Variants in TTLL7 observed in about 807,000 individuals in gnomAD.
The protein encoded by TTLL7 is tubulin polyglutamylase TTLL7.
Under a neutral mutation model 120.2 loss-of-function variants are expected in TTLL7, and 53 were observed. The ratio of observed to expected loss-of-function variants is 0.44; its 90% CI spans 0.35 to 0.55. The LOEUF (loss-of-function observed/expected upper bound fraction) is 0.55, where lower values mean the gene tolerates loss of function less well. TTLL7 is among the 20% of genes least tolerant of loss of function. TTLL7 has a pLI of 0.00. For synonymous variants in TTLL7, 353 were observed against 351.7 expected, an observed-to-expected ratio of 1.00 and a Z score of -0.04; for missense variants, 803 against 1,054.7, an observed-to-expected ratio of 0.76 and a Z score of 3.31.
Position 83,937,842 on chromosome 1 carries a change from A to G in TTLL7, c.888+10T>C. The G allele has an allele frequency of 6.2e-7, 1 of 1,613,742 alleles. No individual in the cohort carries two copies. The highest frequency in any genetic ancestry group is 8.5e-7 in the Non-Finnish European group (1 of 1,179,690). ...AAGACTGTTATAATTGTGGAATGGC[A>G]TAATCTTACTGAAATATCACTCCAA... is the stretch of plus-strand genomic sequence containing the variant. On this transcript the variant is annotated intron_variant, in intron 8 of 20. Coordinates refer to ENST00000260505, the MANE Select transcript of TTLL7 (RefSeq NM_024686.6).
intron 8 of TTLL7, among the ~76,000 whole-genome samples, chr1:83,934,109 T>C (rs1189357022): frequency 6.6e-6 from 1 of 152,230 alleles, no homozygotes; most frequent in East Asian, 1.9e-4. Context: ...CCACCCTTCA[T>C]TTCTTACTGC....
In TTLL7 at chr1:83,927,474, G is replaced by A. The variant is rs559114824; in HGVS notation, c.1142+1662C>T. On this transcript the variant is annotated intron_variant, in intron 10 of 20. Transcript: ENST00000260505. The stretch of plus-strand genomic sequence containing the variant: ...AATAAGGAAAGGCATTCAGAGTAGA[G>A]AACAGAATAAATAATCAGTGAGAAT... Among the ~76,000 whole-genome samples the A allele has an allele frequency of 2.7e-3, 408 of 152,186 alleles. 4 individuals are homozygous for A. The South Asian group carries it at 0.043, about 16-fold the overall frequency.
chr1:83,911,167 G>A lies in TTLL7; in HGVS notation c.1784C>T (p.Pro595Leu), dbSNP rs751163804. ...PSNHYKLIQQ[P>L]SSIRRSVSCP... ...TAAATTAGAAGAAATTGACTTACTG[G>A]GTTGTTGAATTAATTTGTAGTGGTT... Residue 595 changes from proline to leucine, a missense_variant and splice_region_variant, in exon 15 of 21, where the codon CCC becomes CTC. Pro to Leu is a moderately conservative substitution (Grantham distance 98). Transcript: ENST00000260505. 37 of 1,603,934 alleles carry A rather than the reference G, an allele frequency of 2.3e-5. No individual in the cohort carries two copies. The Admixed American group carries it at 5.5e-4, about 24-fold the overall frequency.
At chr1:83,900,122 C>T (rs865984697) in intron 18 of TTLL7, 2 of 432,634 alleles carry the variant, frequency 4.6e-6, no homozygotes, top group Non-Finnish European at 9.1e-6. Context: ...GTTTAACAGG[C>T]CTTCTCACAT....
intron 8 of TTLL7, among the ~76,000 whole-genome samples, chr1:83,934,686 A>AT (rs1354389619): frequency 1.3e-5 from 2 of 152,190 alleles, no homozygotes; most frequent in African/African-American, 4.8e-5. Context: ...AGACACTGTC[A>AT]TTTTAACTCC....
chr1:83,998,552 G>T (rs1156595489), intron 1 of TTLL7, among the ~76,000 whole-genome samples: 1 of 152,212 alleles, frequency 6.6e-6, no homozygotes, highest in Non-Finnish European at 1.5e-5. Flanking sequence ...GCATACTCGC[G>T]GAGGCTTATA....
rs1304978006 is a variant in TTLL7 at position 83,919,691 on chromosome 1, T to C, written c.1500+8A>G. ...CTTTTTTCTCTATATAAACATTCAT[T>C]CTCTTACCTTCATCCTTTTCAAAGG... On this transcript the variant is annotated splice_region_variant and intron_variant, in intron 13 of 20. Transcript: ENST00000260505. 1.2e-6 allele frequency: 2 copies of C among 1,606,090 alleles called. No individual in the cohort carries two copies. The highest frequency in any genetic ancestry group is 1.1e-5 in the South Asian group (1 of 89,530).
chr1:83,911,135 T>C (rs1416270428), intron 15 of TTLL7, 30 bp downstream of exon 15: 1 of 1,550,344 alleles, frequency 6.5e-7, no homozygotes, highest in South Asian at 1.1e-5. Flanking sequence ...ATTCTTTATA[T>C]AACATCTAAA....
intron 19 of TTLL7, among the ~76,000 whole-genome samples, chr1:83,889,017 A>C (rs772110112): frequency 2.6e-5 from 4 of 152,030 alleles, no homozygotes; most frequent in African/African-American, 9.7e-5. Flanking sequence ...ATAATGATGT[A>C]TTAGTCCATT....
chr1:83,952,021 T>C lies in TTLL7; in HGVS notation c.26-45A>G, dbSNP rs749446180. On this transcript the variant is annotated intron_variant, in intron 2 of 20. Transcript: ENST00000260505. ...AATCAGATAACACTGAAAACAAAAA[T>C]CTATACCAGACAACACAAATACCAC... 8 of 1,582,294 alleles carry C rather than the reference T, an allele frequency of 5.1e-6. No homozygotes were observed. The East Asian group carries it at 1.8e-4, about 36-fold the overall frequency.
intron 18 of TTLL7, among the ~76,000 whole-genome samples, chr1:83,901,097 G>A (rs1172383219): frequency 6.6e-6 from 1 of 151,860 alleles, no homozygotes; most frequent in Non-Finnish European, 1.5e-5. Context: ...TGGTTCACTA[G>A]TGTTACTTGT....
At chr1:83,947,700 C>A (rs1251318255) in intron 5 of TTLL7, 3 of 152,954 alleles carry the variant, frequency 2.0e-5, no homozygotes, top group Non-Finnish European at 4.4e-5. Context: ...ATGTAGGAGT[C>A]AATAACTCTG....
chr1:83,974,236 G>A lies in TTLL7; in HGVS notation c.-176-21849C>T, dbSNP rs139274287. On this transcript the variant is annotated intron_variant, in intron 1 of 20. Coordinates refer to ENST00000260505, the MANE Select transcript of TTLL7 (RefSeq NM_024686.6). ...TATTTGAATGCATACTAAGTATTACGAACACATATATCTATGAAAAAATGA... is the reference window on the plus strand; with the variant it reads ...TATTTGAATGCATACTAAGTATTACAAACACATATATCTATGAAAAAATGA... 7.2e-3 allele frequency among the ~76,000 whole-genome samples: 1,099 copies of A among 151,956 alleles called. 20 individuals are homozygous for A. The highest frequency in any genetic ancestry group is 0.025 in the African/African-American group (1,050 of 41,472).
intron 10 of TTLL7, among the ~76,000 whole-genome samples, chr1:83,923,973 T>C (rs1658898606): frequency 6.6e-6 from 1 of 152,190 alleles, no homozygotes; most frequent in South Asian, 2.1e-4. Context: ...GTGGAACCAC[T>C]AGAAGTTCTA....
Position 83,947,274 on chromosome 1 carries a change from T to C in TTLL7, c.356A>G (p.Lys119Arg). The C allele has an allele frequency of 6.3e-7, 1 of 1,598,668 alleles. No homozygotes were observed. Among genetic ancestry groups the C allele is most frequent in the Non-Finnish European group, 8.5e-7 (1 of 1,175,326 alleles). Residue 119 changes from lysine to arginine, a missense_variant, in exon 6 of 21, where the codon AAG (lysine) becomes AGG (arginine). This residue lies in a region of TTLL7 where 324 missense variants were observed against 507.7 expected (regional missense o/e 0.64). Coordinates refer to ENST00000260505, the MANE Select transcript of TTLL7 (RefSeq NM_024686.6). ...AAAGGTATAATCCAGAGGCCGAGAC[T>C]TGATCATTCTGTAAATTGGACATAA... ...FLARNMTKMI[K>R]SRPLDYTFVP...
At chr1:83,988,721 T>A (rs1652713401) in intron 1 of TTLL7, among the ~76,000 whole-genome samples, 1 of 152,152 alleles carries the variant, frequency 6.6e-6, no homozygotes, top group African/African-American at 2.4e-5. Context: ...GCCACCTTTT[T>A]TTTTTTAAGA....
intron 1 of TTLL7, among the ~76,000 whole-genome samples, chr1:83,982,633 A>G (rs541197197): frequency 5.9e-5 from 9 of 152,310 alleles, no homozygotes; most frequent in Admixed American, 3.3e-4. Context: ...ACTATGAAAC[A>G]CTGCTGAAAG....
At chr1:83,986,562 C>T (rs1652462057) in intron 1 of TTLL7, among the ~76,000 whole-genome samples, 1 of 152,104 alleles carries the variant, frequency 6.6e-6, no homozygotes, top group Admixed American at 6.5e-5. Flanking sequence ...AAGAAGAAGG[C>T]AGCCAGGCAT....
chr1:83,918,148 GTA>G (rs760895373), intron 13 of TTLL7, among the ~76,000 whole-genome samples: 1 of 152,128 alleles, frequency 6.6e-6, no homozygotes, highest in Non-Finnish European at 1.5e-5. Context: ...TCTAATGTGA[GTA>G]TTTGCTGACT....
Sources: gnomAD v4.1 joint callset for allele counts (sites outside exome capture counted in the v4.1 genomes callset) on GRCh38, gnomAD v4.1.1 for gene constraint, gnomAD v4.1.1 regional missense constraint, MANE v1.5 for transcripts, NCBI Gene and HGNC (gene_info 2026-07-23, HGNC 2026-07-21) for gene names.